The following EXT1 variants were observed in gnomAD, a reference collection of about 807,000 sequenced individuals.
EXT1 encodes the protein exostosin-1.
EXT1 carries 20 observed loss-of-function variants against 82.5 expected under a neutral mutation model. The ratio of observed to expected loss-of-function variants is 0.24; its 90% confidence interval spans 0.17 to 0.35. EXT1 has a LOEUF of 0.35. Ranked by LOEUF, EXT1 falls within the 10% of genes least tolerant of loss-of-function variation. The pLI, the probability that EXT1 is intolerant of heterozygous loss-of-function variation, is 1.00. For missense variants in EXT1, 757 were observed against 936.5 expected (o/e 0.81, Z 2.50); for synonymous variants, 348 against 350.8 (o/e 0.99, Z 0.09).
chr8:118,110,685 T>A lies in EXT1; in HGVS notation c.362A>T (p.Gln121Leu), dbSNP rs1204529411. The A allele has an allele frequency of 6.2e-7, 1 of 1,614,182 alleles. No homozygotes were observed. Among genetic ancestry groups the A allele is most frequent in the Admixed American group, 1.7e-5 (1 of 60,030 alleles). ...KNGFKVYVYPQQKGEKIAESY... is the reference protein window; with the variant it reads ...KNGFKVYVYPLQKGEKIAESY... ...TTCGGCGATTTTCTCCCCTTTTTGC[T>A]GTGGGTATACGTAGACTTTGAAGCC... Residue 121 changes from glutamine to leucine, a missense_variant, in exon 1 of 11, where the codon CAG becomes CTG. Physicochemically the swap from Gln to Leu is moderately radical, Grantham distance 113. This residue lies in a region of EXT1 where 175 missense variants were observed against 159.0 expected (regional missense o/e 1.10). Coordinates refer to ENST00000378204, the MANE Select transcript of EXT1 (RefSeq NM_000127.3).
chr8:118,019,283 G>GAAAGAA (rs368904934), intron 1 of EXT1, among the ~76,000 whole-genome samples: 6 of 151,960 alleles, frequency 3.9e-5, no homozygotes, highest in Non-Finnish European at 5.9e-5. Flanking sequence ...AAGAAAGAAA[G>GAAAGAA]AGGAAATGGG....
intron 1 of EXT1, among the ~76,000 whole-genome samples, chr8:117,840,673 C>A (rs1812261417): frequency 6.7e-6 from 1 of 150,370 alleles, no homozygotes; most frequent in Non-Finnish European, 1.5e-5. Context: ...TGATAAGGGA[C>A]TTTCATCTAG....
intron 1 of EXT1, among the ~76,000 whole-genome samples, chr8:117,930,440 TAA>T (rs1355489226): frequency 4.0e-5 from 6 of 151,836 alleles, no homozygotes; most frequent in African/African-American, 1.5e-4. Context: ...CTCAAAGACA[TAA>T]AGACTTCTAC....
chr8:117,893,359 A>G (rs1813281192), intron 1 of EXT1, among the ~76,000 whole-genome samples: 1 of 152,240 alleles, frequency 6.6e-6, no homozygotes, highest in Admixed American at 6.5e-5. Flanking sequence ...GACAGAAGCA[A>G]AGGTCTCCAA....
Position 117,799,653 on chromosome 8 carries a change from G to A in EXT1, c.*59C>T. The A allele has an allele frequency of 2.5e-6, 4 of 1,589,806 alleles. No individual in the cohort carries two copies. Among genetic ancestry groups the A allele is most frequent in the South Asian group, 1.1e-5 (1 of 90,294 alleles). On this transcript the variant is annotated 3_prime_UTR_variant, in exon 11 of 11. Coordinates refer to ENST00000378204, the MANE Select transcript of EXT1 (RefSeq NM_000127.3). ...CTGATGAGTGGATCTGCACTGGGAAGAGAGAGCAGCTTGACCCCCATCCCT... is the reference window on the plus strand; with the variant it reads ...CTGATGAGTGGATCTGCACTGGGAAAAGAGAGCAGCTTGACCCCCATCCCT...
At chr8:117,938,140 C>G (rs949208845) in intron 1 of EXT1, among the ~76,000 whole-genome samples, 4 of 152,172 alleles carry the variant, frequency 2.6e-5, no homozygotes, top group African/African-American at 9.7e-5. Flanking sequence ...TATGATAGCC[C>G]TTGTCTAGCC....
intron 1 of EXT1, among the ~76,000 whole-genome samples, chr8:117,956,271 C>T (rs1192281274): frequency 6.6e-6 from 1 of 151,824 alleles, no homozygotes; most frequent in Non-Finnish European, 1.5e-5. Context: ...CTTCCACTCA[C>T]TGGACCTCAG....
At position 117,917,075 on chromosome 8, in the gene EXT1, T is replaced by C. The variant is rs113433721; in HGVS notation, c.963-79874A>G. Among the ~76,000 whole-genome samples the C allele has an allele frequency of 3.6e-3, 552 of 152,260 alleles. 3 individuals carry two copies. The highest frequency in any genetic ancestry group is 0.011 in the African/African-American group (464 of 41,534). On this transcript the variant is annotated intron_variant, in intron 1 of 10. Transcript: ENST00000378204. Reference sequence around the variant, plus strand: ...AAAATTGTAATATCAGTAATAATACTGATAGAAAGAAAATTAAAGGAGATG... The same window carrying C: ...AAAATTGTAATATCAGTAATAATACCGATAGAAAGAAAATTAAAGGAGATG...
chr8:117,885,352 CA>C lies in EXT1; in HGVS notation c.963-48152del, dbSNP rs1297460865. On this transcript the variant is annotated intron_variant, in intron 1 of 10. Coordinates refer to ENST00000378204, the MANE Select transcript of EXT1 (RefSeq NM_000127.3). ...AGAGATTTACATGTAAATTTAACAG[CA>C]AAATCAAATTGTCATATTAAGCCAA... Among the ~76,000 whole-genome samples, 11 of 152,064 alleles carry C rather than the reference CA, an allele frequency of 7.2e-5. No homozygotes were observed. The East Asian group carries it at 1.9e-3, about 27-fold the overall frequency.
At chr8:117,805,507 G>GT (rs1186842454) in intron 9 of EXT1, among the ~76,000 whole-genome samples, 2 of 152,076 alleles carry the variant, frequency 1.3e-5, no homozygotes, top group Non-Finnish European at 2.9e-5. Context: ...TCATCCTACT[G>GT]TTTTTAAAAT....
intron 1 of EXT1, among the ~76,000 whole-genome samples, chr8:117,858,851 A>AGGAAGGAAGGAAGGAT: frequency 4.0e-5 from 2 of 50,012 alleles, no homozygotes; most frequent in South Asian, 1.4e-3. Context: ...GAAGGAAAGA[A>AGGAAGGAAGGAAGGAT]AGAAAGAAAG....
intron 1 of EXT1, among the ~76,000 whole-genome samples, chr8:117,934,530 C>A (rs1204189296): frequency 6.6e-6 from 1 of 152,200 alleles, no homozygotes; most frequent in Non-Finnish European, 1.5e-5. Context: ...TGGGGAAATT[C>A]CCTCCAAGGA....
Position 117,798,375 on chromosome 8 carries a change from C to A in EXT1, c.*1337G>T, listed in dbSNP as rs1823114706. 1 of 151,952 alleles carries A rather than the reference C, an allele frequency of 6.6e-6. No homozygotes were observed. The highest frequency in any genetic ancestry group is 2.4e-5 in the African/African-American group (1 of 41,340). 9.4% of individuals were successfully genotyped at this position (151,952 alleles called of 1,614,324 possible). Reference sequence around the variant, plus strand: ...GAAGAAAGCATTTAATATCAGAAGTCTCCATTTTTCATAACAGAGTTAGGG... The same window carrying A: ...GAAGAAAGCATTTAATATCAGAAGTATCCATTTTTCATAACAGAGTTAGGG... On this transcript the variant is annotated 3_prime_UTR_variant, in exon 11 of 11. Transcript: ENST00000378204.
At chr8:117,983,396 A>ATTGC (rs140136708) in intron 1 of EXT1, among the ~76,000 whole-genome samples, 2,924 of 152,258 alleles carry the variant, frequency 0.019, 37 homozygotes, top group Middle Eastern at 0.031. Context: ...AGGTGAGAAG[A>ATTGC]TTGCTTGAGC....
In EXT1 at chr8:117,804,798, A is replaced by G; in HGVS notation, c.1979T>C (p.Leu660Pro). Residue 660 changes from leucine (L) to proline (P), a missense_variant, in exon 10 of 11, where the codon CTG (leucine) becomes CCG (proline). Physicochemically the swap from Leu to Pro is moderately conservative, Grantham distance 98. This residue lies in a region of EXT1 where 128 missense variants were observed against 223.2 expected (regional missense o/e 0.57). Coordinates refer to ENST00000378204, the MANE Select transcript of EXT1 (RefSeq NM_000127.3). ...ANCEDILMNF[L>P]VSAVTKLPPI... ...AGGCAATTTTGTCACAGCAGACACC[A>G]GGAAGTTCATGAGAATGTCCTCACA... is the stretch of plus-strand genomic sequence containing the variant. 1.2e-6 allele frequency: 2 copies of G among 1,614,156 alleles called. No homozygotes were observed. Among genetic ancestry groups the G allele is most frequent in the Non-Finnish European group, 1.7e-6 (2 of 1,180,002 alleles).
chr8:117,940,430 A>C (rs1814249063), intron 1 of EXT1, among the ~76,000 whole-genome samples: 1 of 152,238 alleles, frequency 6.6e-6, no homozygotes, highest in Non-Finnish European at 1.5e-5. Context: ...AGGCTTGAAG[A>C]AACATTCCCA....
chr8:117,863,483 C>A (rs1812722236), intron 1 of EXT1, among the ~76,000 whole-genome samples: 1 of 147,226 alleles, frequency 6.8e-6, no homozygotes, highest in Non-Finnish European at 1.5e-5. Context: ...TGCTGGCAGA[C>A]GGCTGATGCG....
At chr8:117,992,542 A>C (rs1456308692) in intron 1 of EXT1, among the ~76,000 whole-genome samples, 1 of 151,492 alleles carries the variant, frequency 6.6e-6, no homozygotes, top group Non-Finnish European at 1.5e-5. Flanking sequence ...CTCCTCAGAG[A>C]CCCATGAATC....
At chr8:117,945,149 G>T (rs1034438433) in intron 1 of EXT1, among the ~76,000 whole-genome samples, 1 of 152,186 alleles carries the variant, frequency 6.6e-6, no homozygotes, top group African/African-American at 2.4e-5. Context: ...GCAATAGAGC[G>T]AGACTCCGTC....
Sources: allele counts gnomAD v4.1 joint callset (sites outside exome capture counted in the v4.1 genomes callset), GRCh38; gene constraint gnomAD v4.1.1; regional missense constraint gnomAD v4.1.1; transcripts MANE v1.5; gene names NCBI Gene and HGNC (gene_info 2026-07-23, HGNC 2026-07-21).